The following NXPE4 variants were observed in gnomAD, a reference collection of about 807,000 sequenced individuals.
The protein encoded by NXPE4 is neurexophilin and PC-esterase domain family member 4, also known as NXPE family member 4.
In NXPE4, 42 loss-of-function variants were observed where a neutral mutation model predicts 33.3. That is an observed-to-expected ratio of 1.26 (90% confidence interval 0.98 to 1.63). The LOEUF (loss-of-function observed/expected upper bound fraction) is 1.63. Among genes scored for constraint, NXPE4 ranks in the 40% most tolerant of loss-of-function variants. The pLI is 0.00. For missense variants in NXPE4, 709 were observed against 647.6 expected, an observed-to-expected ratio of 1.09 and a Z score of -1.03; for synonymous variants, 253 against 234.9, an observed-to-expected ratio of 1.08 and a Z score of -0.71.
the NXPE4 span, among the ~76,000 whole-genome samples, chr11:114,649,730 G>A: frequency 6.6e-6 from 1 of 152,174 alleles, no homozygotes; most frequent in Non-Finnish European, 1.5e-5. Flanking sequence ...AAGGCCAGGT[G>A]GGGTGATGAA....
chr11:114,623,525 G>A, the NXPE4 span, among the ~76,000 whole-genome samples: 2 of 152,060 alleles, frequency 1.3e-5, no homozygotes, highest in Non-Finnish European at 2.9e-5. Context: ...TTCCCTCGTG[G>A]ATAAACACTG....
chr11:114,659,062 A>G, the NXPE4 span, among the ~76,000 whole-genome samples: 1 of 152,202 alleles, frequency 6.6e-6, no homozygotes, highest in East Asian at 1.9e-4. Context: ...AACCAGAAAA[A>G]TTTGCAACAG....
the NXPE4 span, among the ~76,000 whole-genome samples, chr11:114,621,041 A>G: frequency 6.6e-6 from 1 of 152,178 alleles, no homozygotes; most frequent in Admixed American, 6.5e-5. Flanking sequence ...GCAGTGCACA[A>G]TAAGTGTTGC....
the NXPE4 span, among the ~76,000 whole-genome samples, chr11:114,607,378 T>C: frequency 1.1e-3 from 171 of 152,108 alleles, no homozygotes; most frequent in African/African-American, 4.0e-3. Context: ...CGGTGGATAA[T>C]AAGTGTTGCC....
At chr11:114,596,667 T>G (rs773585859), upstream of NXPE4, among the ~76,000 whole-genome samples, 6 of 152,196 alleles carry the variant, frequency 3.9e-5, no homozygotes, top group Non-Finnish European at 5.9e-5. Flanking sequence ...GGTGTAGGAT[T>G]GTTAAATTTT....
chr11:114,641,980 A>G, the NXPE4 span, among the ~76,000 whole-genome samples: 1 of 152,106 alleles, frequency 6.6e-6, no homozygotes, highest in Non-Finnish European at 1.5e-5. Context: ...TAACAACACA[A>G]TTGATGAGAA....
chr11:114,571,570 T>A, intron 5 of NXPE4, 97 bp from the exon 6 acceptor site: 1 of 1,122,934 alleles, frequency 8.9e-7, no homozygotes, highest in Non-Finnish European at 1.3e-6. Context: ...TATAATTAAA[T>A]AAGCTAATCA....
At chr11:114,581,651 A>C (rs1241430542) in intron 4 of NXPE4, 74 bp downstream of exon 4, 3 of 1,243,176 alleles carry the variant, frequency 2.4e-6, no homozygotes, top group African/African-American at 3.0e-5. Context: ...ACAGTGAACA[A>C]ATCCAGTAGA....
intron 2 of NXPE4, among the ~76,000 whole-genome samples, chr11:114,585,303 T>A (rs1271959139): frequency 6.6e-6 from 1 of 151,972 alleles, no homozygotes; most frequent in Non-Finnish European, 1.5e-5. Flanking sequence ...AAATGGTATA[T>A]TTCATTACTC....
At chr11:114,645,536 T>C in the NXPE4 span, among the ~76,000 whole-genome samples, 10 of 152,234 alleles carry the variant, frequency 6.6e-5, no homozygotes, top group African/African-American at 2.4e-4. Context: ...TAAATTTAAC[T>C]ATATTAAATT....
chr11:114,630,788 A>C, the NXPE4 span, among the ~76,000 whole-genome samples: 1 of 151,942 alleles, frequency 6.6e-6, no homozygotes, highest in Non-Finnish European at 1.5e-5. Flanking sequence ...ATAAAGGGTT[A>C]ATATCCAGAA....
the NXPE4 span, among the ~76,000 whole-genome samples, chr11:114,632,884 A>C: frequency 4.5e-3 from 276 of 60,684 alleles, 4 homozygotes; most frequent in African/African-American, 0.016. Context: ...ATAATTATAT[A>C]TTATATAATT....
At chr11:114,656,852 G>T in the NXPE4 span, among the ~76,000 whole-genome samples, 3 of 152,190 alleles carry the variant, frequency 2.0e-5, no homozygotes, top group South Asian at 4.2e-4. Context: ...CAGCACTTTG[G>T]GAGGCCGAGA....
At chr11:114,571,625 T>C in intron 5 of NXPE4, 152 bp from the exon 6 acceptor site, 1 of 750,336 alleles carries the variant, frequency 1.3e-6, no homozygotes, top group Non-Finnish European at 2.1e-6. Context: ...TTTTTGAAAA[T>C]TATTTGAACA....
the NXPE4 span, among the ~76,000 whole-genome samples, chr11:114,647,445 C>T: frequency 6.6e-6 from 1 of 152,050 alleles, no homozygotes; most frequent in East Asian, 1.9e-4. Flanking sequence ...CTATCTAGTG[C>T]TTATTTAAAG....
chr11:114,652,556 AT>A, the NXPE4 span, among the ~76,000 whole-genome samples: 1 of 152,234 alleles, frequency 6.6e-6, no homozygotes, highest in Non-Finnish European at 1.5e-5. Context: ...GAGATGGTCC[AT>A]GTAAAATGCT....
the NXPE4 span, among the ~76,000 whole-genome samples, chr11:114,649,214 T>C: frequency 1.3e-5 from 2 of 152,130 alleles, no homozygotes; most frequent in Non-Finnish European, 2.9e-5. Context: ...GATTGGGTCA[T>C]TTTAGTTTTC....
At chr11:114,614,115 T>C in the NXPE4 span, among the ~76,000 whole-genome samples, 6 of 151,994 alleles carry the variant, frequency 3.9e-5, no homozygotes, top group Admixed American at 3.9e-4. Context: ...GCCTCGTGGG[T>C]AACCAGTGTT....
chr11:114,590,680 A>G (rs1949429361), intron 2 of NXPE4, among the ~76,000 whole-genome samples: 1 of 152,176 alleles, frequency 6.6e-6, no homozygotes, highest in Non-Finnish European at 1.5e-5. Context: ...TTCAGGCCTG[A>G]GGACCAGCTC....
Sources: gnomAD v4.1 joint callset for allele counts (sites outside exome capture counted in the v4.1 genomes callset) on GRCh38, gnomAD v4.1.1 for gene constraint, MANE v1.5 for transcripts, NCBI Gene and HGNC (gene_info 2026-07-23, HGNC 2026-07-21) for gene names.